GLB1: variants seen among roughly 807,000 people sequenced by gnomAD.
The protein encoded by GLB1 is galactosidase beta 1, also known as beta-galactosidase.
Under a neutral mutation model 74.0 loss-of-function variants are expected in GLB1, and 56 were observed. The observed-to-expected ratio is 0.76, with a 90% CI of 0.61 to 0.94. GLB1 has a LOEUF of 0.94. Among genes scored for constraint, GLB1 ranks in the 40% least tolerant of loss-of-function variants. The probability of loss-of-function intolerance (pLI) is 0.00; values close to 1 mark genes in which losing one functional copy is unlikely to be tolerated. For synonymous variants in GLB1, 323 were observed against 323.6 expected (o/e 1.00, Z 0.02); for missense variants, 787 against 845.5 (o/e 0.93, Z 0.86).
intron 5 of GLB1, among the ~76,000 whole-genome samples, chr3:33,062,146 C>T (rs1026846412): frequency 1.3e-5 from 2 of 152,132 alleles, no homozygotes; most frequent in African/African-American, 2.4e-5. Context: ...AAGACAGAGA[C>T]AGAAATCAGC....
At chr3:33,073,954 G>A (rs9849213) in intron 1 of GLB1, among the ~76,000 whole-genome samples, 38,271 of 149,942 alleles carry the variant, frequency 0.26, 6,989 homozygotes, top group African/African-American at 0.52. Flanking sequence ...AGCCCAGAAG[G>A]TTGAGAGTGC....
At position 33,077,155 on chromosome 3, in the gene GLB1, G is replaced by A. The variant is rs967253160; in HGVS notation, c.76-4442C>T. On this transcript the variant is annotated intron_variant, in intron 1 of 15. Transcript: ENST00000307363. ...GCTGCTTGCGTGCTCATTCGGTGCA[G>A]TCTTGGTACCTCTTTTGTGAAGCGG... is the stretch of plus-strand genomic sequence containing the variant. The A allele has an allele frequency of 6.9e-6, 10 of 1,450,782 alleles. No homozygotes were observed. The African/African-American group carries it at 1.4e-4, about 21-fold the overall frequency. 89.9% of individuals were successfully genotyped at this position (1,450,782 alleles called of 1,614,324 possible). A position where few individuals can be genotyped will look rare whatever the true frequency, so the allele number is the denominator to read the frequency against.
At chr3:32,975,322 T>C in the GLB1 span, among the ~76,000 whole-genome samples, 1 of 152,152 alleles carries the variant, frequency 6.6e-6, no homozygotes, top group Non-Finnish European at 1.5e-5. Flanking sequence ...TGGGCTCAAA[T>C]GATCCTCCCA....
At chr3:33,084,464 T>G (rs1190342709) in intron 1 of GLB1, among the ~76,000 whole-genome samples, 1 of 152,176 alleles carries the variant, frequency 6.6e-6, no homozygotes, top group Non-Finnish European at 1.5e-5. Context: ...TATATGGAGA[T>G]GGAAGAATCT....
intron 15 of GLB1, among the ~76,000 whole-genome samples, chr3:33,010,431 T>C (rs939492298): frequency 6.6e-6 from 1 of 152,174 alleles, no homozygotes; most frequent in Non-Finnish European, 1.5e-5. Context: ...AGCCATCTTA[T>C]GCCTTCTTTG....
the GLB1 span, among the ~76,000 whole-genome samples, chr3:32,981,818 C>T: frequency 2.3e-4 from 35 of 151,918 alleles, no homozygotes; most frequent in African/African-American, 5.8e-4. Flanking sequence ...AACAAAGTTA[C>T]GTCAGTTTGT....
Position 33,046,251 on chromosome 3 carries a change from C to T in GLB1, c.956-19G>A, listed in dbSNP as rs747756247. On this transcript the variant is annotated intron_variant, in intron 9 of 15. Coordinates refer to ENST00000307363, the MANE Select transcript of GLB1 (RefSeq NM_000404.4). ...TTGGCCCCTAGAAGACAAAAATGTG[C>T]CACTAGTTATTACTGATGGTGCAGC... 1 of 1,613,476 alleles carries T rather than the reference C, an allele frequency of 6.2e-7. No individual in the cohort carries two copies. The highest frequency in any genetic ancestry group is 1.7e-5 in the Admixed American group (1 of 59,990).
At chr3:33,080,189 C>G (rs551172030) in intron 1 of GLB1, among the ~76,000 whole-genome samples, 3 of 152,044 alleles carry the variant, frequency 2.0e-5, no homozygotes, top group African/African-American at 4.8e-5. Context: ...CTGCAACCTC[C>G]GCCTCCCCAG....
the GLB1 span, among the ~76,000 whole-genome samples, chr3:32,964,421 AAG>A: frequency 2.0e-5 from 3 of 152,320 alleles, no homozygotes; most frequent in African/African-American, 7.2e-5. Context: ...TTGTAAATAC[AAG>A]AGTTATTTCT....
At chr3:33,067,059 A>G (rs939809369) in intron 4 of GLB1, among the ~76,000 whole-genome samples, 5 of 150,026 alleles carry the variant, frequency 3.3e-5, no homozygotes, top group African/African-American at 1.2e-4. Context: ...CAGGAATGCA[A>G]TGGCGCAATC....
rs746697806 is a variant in GLB1 at position 33,093,155 on chromosome 3, A to G, written c.75+3856T>C. ...CCAGGGCCTTGTCAAGATCCATGCC[A>G]TGGCCAGAGTAGTGCAGGATGTCTG... On this transcript the variant is annotated intron_variant, in intron 1 of 15. Transcript: ENST00000307363. The surrounding 1 kb of genome is among the most constrained non-coding windows in gnomAD (Gnocchi z 6.0). 6 of 1,614,032 alleles carry G rather than the reference A, an allele frequency of 3.7e-6. No homozygotes were observed. Among genetic ancestry groups the G allele is most frequent in the African/African-American group, 2.7e-5 (2 of 74,918 alleles).
chr3:33,095,418 C>G (rs900799329), intron 1 of GLB1, among the ~76,000 whole-genome samples: 1 of 151,850 alleles, frequency 6.6e-6, no homozygotes, highest in African/African-American at 2.4e-5. Flanking sequence ...CCCAGCTACT[C>G]GGGAGGCTGA....
At chr3:33,073,115 T>C (rs188232942) in intron 1 of GLB1, among the ~76,000 whole-genome samples, 145 of 152,210 alleles carry the variant, frequency 9.5e-4, no homozygotes, top group Admixed American at 2.3e-3. Context: ...GTCACTGGGA[T>C]AACCAAGACC....
chr3:32,967,015 C>A, the GLB1 span, among the ~76,000 whole-genome samples: 5 of 152,144 alleles, frequency 3.3e-5, no homozygotes, highest in African/African-American at 1.2e-4. Context: ...TGAGAATGAA[C>A]TAATACAATA....
In GLB1 at chr3:33,009,528, T is replaced by C. The variant is rs183939753; in HGVS notation, c.1734+4528A>G. Among the ~76,000 whole-genome samples, 1,060 of 150,600 alleles carry C rather than the reference T, an allele frequency of 7.0e-3. 15 individuals carry two copies. The highest frequency in any genetic ancestry group is 0.025 in the African/African-American group (1,007 of 40,982). On this transcript the variant is annotated intron_variant, in intron 15 of 15. Transcript: ENST00000307363. ...CAAGAGCAAGACTGTCTCAAAAAAATAAAAAAAAAGATTTAAGAGCAAGGT... is the reference window on the plus strand; with the variant it reads ...CAAGAGCAAGACTGTCTCAAAAAAACAAAAAAAAAGATTTAAGAGCAAGGT...
At chr3:33,020,326 G>T (rs1174640722) in intron 12 of GLB1, among the ~76,000 whole-genome samples, 1 of 152,186 alleles carries the variant, frequency 6.6e-6, no homozygotes, top group East Asian at 1.9e-4. Context: ...TTACTGTTCA[G>T]ACTCCTTCCA....
At chr3:32,979,851 CAAAAAAAAA>C in the GLB1 span, among the ~76,000 whole-genome samples, 6 of 25,224 alleles carry the variant, frequency 2.4e-4, no homozygotes, top group Admixed American at 1.3e-3. Flanking sequence ...GACCCTGTCT[CAAAAAAAAA>C]AAAAAAAAAA....
intron 10 of GLB1, among the ~76,000 whole-genome samples, chr3:33,025,936 G>C (rs945259294): frequency 2.0e-5 from 3 of 152,232 alleles, no homozygotes; most frequent in Non-Finnish European, 4.4e-5. Context: ...TGTGGAAAGG[G>C]TGCAGCAGGA....
intron 10 of GLB1, chr3:33,037,940 C>G (rs1228417280): frequency 7.1e-6 from 1 of 140,140 alleles, no homozygotes; most frequent in Non-Finnish European, 1.5e-5. Flanking sequence ...CTGGAGTCAA[C>G]ACTCAAGTTT....
Sources: gnomAD v4.1 joint callset for allele counts (sites outside exome capture counted in the v4.1 genomes callset) on GRCh38, gnomAD v4.1.1 for gene constraint, Gnocchi (gnomAD v3.1) non-coding constraint, MANE v1.5 for transcripts, NCBI Gene and HGNC (gene_info 2026-07-23, HGNC 2026-07-21) for gene names.